Variants in PBX3 observed in about 807,000 individuals in gnomAD.
PBX3 encodes pre-B-cell leukemia transcription factor 3.
A neutral mutation model predicts 48.5 loss-of-function variants in PBX3; 14 were observed. That is an observed-to-expected ratio of 0.29 (90% confidence interval 0.19 to 0.45). PBX3 has a LOEUF of 0.45. PBX3 is among the 20% of genes least tolerant of loss of function. The probability of loss-of-function intolerance (pLI) is 1.00; values close to 1 mark genes in which losing one functional copy is unlikely to be tolerated. For missense variants in PBX3, 386 were observed against 546.7 expected (o/e 0.71, Z 2.93); for synonymous variants, 210 against 200.3 (o/e 1.05, Z -0.41).
intron 2 of PBX3, among the ~76,000 whole-genome samples, chr9:125,855,413 T>G (rs984925126): frequency 6.6e-6 from 1 of 152,158 alleles, no homozygotes; most frequent in African/African-American, 2.4e-5. Context: ...TACAGTACTT[T>G]AATATATTCC....
At chr9:125,885,965 T>C (rs1032563829) in intron 2 of PBX3, among the ~76,000 whole-genome samples, 1 of 152,172 alleles carries the variant, frequency 6.6e-6, no homozygotes, top group Non-Finnish European at 1.5e-5. Context: ...GGGATTTCTC[T>C]GTATTGAAAT....
chr9:125,780,649 C>T (rs1473489099), intron 2 of PBX3, among the ~76,000 whole-genome samples: 1 of 139,510 alleles, frequency 7.2e-6, no homozygotes, highest in Non-Finnish European at 1.6e-5. Context: ...GGGCTGACCC[C>T]CCCACCTCCC....
chr9:125,940,337 G>C (rs879385722), intron 5 of PBX3, among the ~76,000 whole-genome samples: 4 of 152,192 alleles, frequency 2.6e-5, no homozygotes, highest in Non-Finnish European at 4.4e-5. Context: ...CATATATAAG[G>C]CAAGGAAGTC....
intron 2 of PBX3, among the ~76,000 whole-genome samples, chr9:125,898,132 C>G (rs1840817475): frequency 6.6e-6 from 1 of 151,658 alleles, no homozygotes; most frequent in African/African-American, 2.4e-5. Context: ...GGTCTCTTAG[C>G]TAGAAAAAAC....
chr9:125,910,173 C>T (rs1474882852), intron 2 of PBX3, among the ~76,000 whole-genome samples: 1 of 152,116 alleles, frequency 6.6e-6, no homozygotes, highest in Non-Finnish European at 1.5e-5. Context: ...GTAAACAAAT[C>T]TCAGTGGGCT....
At chr9:125,789,000 T>G (rs1331401471) in intron 2 of PBX3, among the ~76,000 whole-genome samples, 1 of 152,244 alleles carries the variant, frequency 6.6e-6, no homozygotes, top group Non-Finnish European at 1.5e-5. Flanking sequence ...TATTGCATGT[T>G]TTTGAACCTT....
At chr9:125,822,052 TTC>T (rs1335009646) in intron 2 of PBX3, among the ~76,000 whole-genome samples, 3 of 152,076 alleles carry the variant, frequency 2.0e-5, no homozygotes, top group African/African-American at 4.8e-5. Context: ...GGAATTTACT[TTC>T]TGTCAGGAGT....
At chr9:125,962,731 A>G (rs1007478972) in intron 7 of PBX3, among the ~76,000 whole-genome samples, 1 of 152,228 alleles carries the variant, frequency 6.6e-6, no homozygotes, top group Non-Finnish European at 1.5e-5. Flanking sequence ...ACACAATTCT[A>G]AGTAGGCTTT....
intron 2 of PBX3, among the ~76,000 whole-genome samples, chr9:125,852,097 C>G (rs1839600116): frequency 6.6e-6 from 1 of 152,030 alleles, no homozygotes; most frequent in Non-Finnish European, 1.5e-5. Context: ...AGATTTTCTG[C>G]AAGTGGACGC....
At chr9:125,877,802 G>A (rs1840291202) in intron 2 of PBX3, among the ~76,000 whole-genome samples, 1 of 152,140 alleles carries the variant, frequency 6.6e-6, no homozygotes, top group South Asian at 2.1e-4. Context: ...CAATTACTGA[G>A]TACCTATCAC....
chr9:125,843,050 T>C (rs1839329164), intron 2 of PBX3, among the ~76,000 whole-genome samples: 1 of 151,288 alleles, frequency 6.6e-6, no homozygotes, highest in Admixed American at 6.6e-5. Flanking sequence ...AGGGCTTGAT[T>C]GACTTACTTG....
chr9:125,894,325 G>A (rs1434605634), intron 2 of PBX3, among the ~76,000 whole-genome samples: 1 of 152,038 alleles, frequency 6.6e-6, no homozygotes, highest in Non-Finnish European at 1.5e-5. Context: ...CTTTGTTGTA[G>A]TTTATAAATA....
chr9:125,873,542 AAAAT>A (rs1227367622), intron 2 of PBX3, among the ~76,000 whole-genome samples: 1 of 152,236 alleles, frequency 6.6e-6, no homozygotes, highest in Non-Finnish European at 1.5e-5. Context: ...ATGTAACTAA[AAAAT>A]AAGTAATTCC....
chr9:125,790,313 C>T (rs566533084), intron 2 of PBX3, among the ~76,000 whole-genome samples: 60 of 151,056 alleles, frequency 4.0e-4, no homozygotes, highest in African/African-American at 1.3e-3. Flanking sequence ...AGTGTGGTAG[C>T]GCGATCTCAG....
intron 2 of PBX3, among the ~76,000 whole-genome samples, chr9:125,777,885 C>A (rs113094732): frequency 6.6e-5 from 10 of 151,596 alleles, no homozygotes; most frequent in African/African-American, 2.4e-4. Flanking sequence ...GTATAATTCT[C>A]TCATAATCCA....
intron 2 of PBX3, among the ~76,000 whole-genome samples, chr9:125,792,093 T>C (rs1233958265): frequency 6.6e-6 from 1 of 151,392 alleles, no homozygotes; most frequent in East Asian, 1.9e-4. Context: ...TAAATAAATA[T>C]TGGAGAGTAC....
chr9:125,836,423 C>A (rs541555570), intron 2 of PBX3, among the ~76,000 whole-genome samples: 1 of 151,506 alleles, frequency 6.6e-6, no homozygotes, highest in Admixed American at 6.6e-5. Context: ...CCAGCCTGGG[C>A]GACAGAGCGA....
chr9:125,814,031 C>T (rs13291578), intron 2 of PBX3, among the ~76,000 whole-genome samples: 1 of 392 alleles, frequency 2.6e-3, no homozygotes, highest in Non-Finnish European at 6.5e-3. Context: ...GGGCATGGTG[C>T]GCCCCTGTAG....
intron 2 of PBX3, 36 bp downstream of exon 2, chr9:125,748,659 C>G (rs369265357): frequency 1.3e-6 from 2 of 1,564,416 alleles, no homozygotes; most frequent in African/African-American, 2.7e-5. Context: ...CCTGGAGACC[C>G]CCGAGGTGGG....
Sources: gnomAD v4.1 joint callset for allele counts (sites outside exome capture counted in the v4.1 genomes callset) on GRCh38, gnomAD v4.1.1 for gene constraint, MANE v1.5 for transcripts, NCBI Gene and HGNC (gene_info 2026-07-23, HGNC 2026-07-21) for gene names.